Variants in SLC25A26 observed in about 807,000 individuals in gnomAD.
SLC25A26 encodes solute carrier family 25 member 26.
In SLC25A26, 36 loss-of-function variants were observed where a neutral mutation model predicts 37.8. The observed-to-expected ratio is 0.95, with a 90% CI of 0.73 to 1.26. The LOEUF is 1.26. Among genes scored for constraint, SLC25A26 ranks in the 50% most tolerant of loss-of-function variants. The pLI is 0.00. For synonymous variants in SLC25A26, 129 were observed against 122.5 expected, an observed-to-expected ratio of 1.05 and a Z score of -0.35; for missense variants, 390 against 331.1, an observed-to-expected ratio of 1.18 and a Z score of -1.38.
At chr3:66,335,784 A>T (rs1368564444) in intron 5 of SLC25A26, among the ~76,000 whole-genome samples, 3 of 152,182 alleles carry the variant, frequency 2.0e-5, no homozygotes, top group Admixed American at 1.3e-4. Flanking sequence ...ATACAGCAGT[A>T]TAAATTGGTC....
At chr3:66,227,117 T>G (rs1213347908) in intron 1 of SLC25A26, among the ~76,000 whole-genome samples, 1 of 152,208 alleles carries the variant, frequency 6.6e-6, no homozygotes, top group African/African-American at 2.4e-5. Context: ...GCTTTCAATG[T>G]TGTGAGTTCG....
At chr3:66,346,708 C>T (rs1559723848) in intron 6 of SLC25A26, among the ~76,000 whole-genome samples, 3 of 116,778 alleles carry the variant, frequency 2.6e-5, no homozygotes, top group South Asian at 2.8e-4. Flanking sequence ...TTTCATTTTG[C>T]TGTGTGCGTG....
At chr3:66,195,702 A>T (rs1232450564) in intron 1 of SLC25A26, among the ~76,000 whole-genome samples, 1 of 152,226 alleles carries the variant, frequency 6.6e-6, no homozygotes, top group Non-Finnish European at 1.5e-5. Context: ...CCGGCATTTT[A>T]AAATATGAAC....
At chr3:66,175,908 T>C (rs1188156666) in intron 1 of SLC25A26, among the ~76,000 whole-genome samples, 3 of 152,210 alleles carry the variant, frequency 2.0e-5, no homozygotes, top group African/African-American at 7.2e-5. Context: ...TATCTGGGCA[T>C]CCATGGCCCT....
At chr3:66,207,978 A>G (rs1441022787) in intron 1 of SLC25A26, among the ~76,000 whole-genome samples, 1 of 152,236 alleles carries the variant, frequency 6.6e-6, no homozygotes, top group African/African-American at 2.4e-5. Context: ...AACTGTGAGC[A>G]CTTATGCAAG....
chr3:66,371,553 G>A (rs1700344931), intron 9 of SLC25A26: 1 of 1,133,866 alleles, frequency 8.8e-7, no homozygotes, highest in Non-Finnish European at 1.2e-6. Context: ...CGTTGGGGGT[G>A]TGAAGGGTGT....
chr3:66,349,949 C>T (rs1444006961), intron 6 of SLC25A26, among the ~76,000 whole-genome samples: 2 of 152,116 alleles, frequency 1.3e-5, no homozygotes, highest in African/African-American at 4.8e-5. Context: ...TTCTAGTTCC[C>T]TCATGACTAA....
At chr3:66,305,611 C>G (rs2075196556) in intron 5 of SLC25A26, among the ~76,000 whole-genome samples, 1 of 152,056 alleles carries the variant, frequency 6.6e-6, no homozygotes, top group South Asian at 2.1e-4. Flanking sequence ...GCTCCCCTTC[C>G]CCCCACCCCA....
intron 1 of SLC25A26, among the ~76,000 whole-genome samples, chr3:66,136,076 A>G (rs2069942202): frequency 6.6e-6 from 1 of 152,092 alleles, no homozygotes; most frequent in South Asian, 2.1e-4. Context: ...TAATGCAAAT[A>G]TTTCTTGTTC....
At chr3:66,351,980 G>A (rs573996834) in intron 6 of SLC25A26, among the ~76,000 whole-genome samples, 10 of 152,186 alleles carry the variant, frequency 6.6e-5, no homozygotes, top group African/African-American at 2.4e-4. Flanking sequence ...CAGGCACAGT[G>A]GCTCATGCCT....
At chr3:66,316,622 T>C (rs1370358249) in intron 5 of SLC25A26, among the ~76,000 whole-genome samples, 1 of 152,170 alleles carries the variant, frequency 6.6e-6, no homozygotes, top group African/African-American at 2.4e-5. Flanking sequence ...TGGAGTTATC[T>C]TCCTGGGGTT....
At chr3:66,341,002 G>A (rs2076197415) in intron 5 of SLC25A26, among the ~76,000 whole-genome samples, 1 of 152,032 alleles carries the variant, frequency 6.6e-6, no homozygotes, top group Non-Finnish European at 1.5e-5. Flanking sequence ...AAACAATCAT[G>A]TCATTTGTAA....
chr3:66,201,224 T>G (rs2071104079), intron 1 of SLC25A26, among the ~76,000 whole-genome samples: 1 of 151,614 alleles, frequency 6.6e-6, no homozygotes, highest in Non-Finnish European at 1.5e-5. Flanking sequence ...ATATATTTTA[T>G]ATATACACTT....
intron 5 of SLC25A26, among the ~76,000 whole-genome samples, chr3:66,278,751 G>T (rs1260347699): frequency 6.6e-6 from 1 of 152,116 alleles, no homozygotes; most frequent in Admixed American, 6.5e-5. Context: ...TGAGGCTGTT[G>T]CTTTCTTTTT....
intron 6 of SLC25A26, among the ~76,000 whole-genome samples, chr3:66,346,850 C>T (rs73095759): frequency 0.04 from 6,138 of 151,764 alleles, 181 homozygotes; most frequent in Admixed American, 0.078. Flanking sequence ...ACCAGCTCCC[C>T]TAGCACCCTG....
At chr3:66,359,054 T>C (rs1443371213) in intron 6 of SLC25A26, among the ~76,000 whole-genome samples, 2 of 152,244 alleles carry the variant, frequency 1.3e-5, no homozygotes, top group East Asian at 1.9e-4. Flanking sequence ...CCATGTCAAA[T>C]ACCAAATTAT....
chr3:66,146,187 A>G (rs983886065), intron 1 of SLC25A26, among the ~76,000 whole-genome samples: 4 of 152,046 alleles, frequency 2.6e-5, no homozygotes, highest in Non-Finnish European at 4.4e-5. Context: ...CAAAAATACA[A>G]AAATTAGCCG....
intron 5 of SLC25A26, among the ~76,000 whole-genome samples, chr3:66,279,056 C>T (rs1322578074): frequency 6.6e-6 from 1 of 152,106 alleles, no homozygotes; most frequent in Non-Finnish European, 1.5e-5. Context: ...ATCAAATAGA[C>T]CTTCTTGCAC....
intron 1 of SLC25A26, among the ~76,000 whole-genome samples, chr3:66,171,903 T>C (rs536411143): frequency 1.3e-5 from 2 of 152,318 alleles, no homozygotes; most frequent in Admixed American, 6.5e-5. Flanking sequence ...CTCATGGAGC[T>C]TATGTGAAGA....
Sources: allele counts gnomAD v4.1 joint callset (sites outside exome capture counted in the v4.1 genomes callset), GRCh38; gene constraint gnomAD v4.1.1; transcripts MANE v1.5; gene names NCBI Gene and HGNC (gene_info 2026-07-23, HGNC 2026-07-21).